Variants in BCHE observed in about 807,000 individuals in gnomAD.
The protein encoded by BCHE is butyrylcholinesterase.
BCHE carries 48 observed loss-of-function variants against 51.3 expected under a neutral mutation model. That is an observed-to-expected ratio of 0.94 (90% confidence interval 0.74 to 1.19). The LOEUF is 1.19. Ranked by LOEUF, BCHE falls within the 50% of genes most tolerant of loss-of-function variation. The probability of loss-of-function intolerance (pLI) is 0.00; values close to 1 mark genes in which losing one functional copy is unlikely to be tolerated. For synonymous variants in BCHE, 251 were observed against 238.0 expected (o/e 1.05, Z -0.50); for missense variants, 847 against 708.2 (o/e 1.20, Z -2.23).
intron 1 of BCHE, among the ~76,000 whole-genome samples, chr3:165,833,083 T>C: frequency 6.6e-6 from 1 of 152,224 alleles, no homozygotes; most frequent in South Asian, 2.1e-4. Flanking sequence ...ATGACTGCTA[T>C]AATAATAAGG....
intron 2 of BCHE, among the ~76,000 whole-genome samples, chr3:165,796,822 AT>A: frequency 6.6e-6 from 1 of 152,262 alleles, no homozygotes; most frequent in African/African-American, 2.4e-5. Context: ...ATTTCTTTGT[AT>A]TGCACATCTT....
At chr3:165,798,894 T>TA (rs532174201) in intron 2 of BCHE, among the ~76,000 whole-genome samples, 93 of 150,644 alleles carry the variant, frequency 6.2e-4, no homozygotes, top group Middle Eastern at 3.4e-3. Context: ...AAACAAATAA[T>TA]AAAAAAAAAC....
chr3:165,797,469 C>T (rs1713462348), intron 2 of BCHE, among the ~76,000 whole-genome samples: 1 of 150,378 alleles, frequency 6.6e-6, no homozygotes, highest in Non-Finnish European at 1.5e-5. Context: ...ATGTTTGTAC[C>T]CATTTTCATC....
intron 2 of BCHE, among the ~76,000 whole-genome samples, chr3:165,792,515 A>G (rs2108207234): frequency 6.6e-6 from 1 of 152,318 alleles, no homozygotes; most frequent in South Asian, 2.1e-4. Context: ...TTACTTAGTA[A>G]TGATTAGTAA....
At chr3:165,833,840 T>G (rs2108238309) in intron 1 of BCHE, among the ~76,000 whole-genome samples, 1 of 152,210 alleles carries the variant, frequency 6.6e-6, no homozygotes, top group Admixed American at 6.5e-5. Context: ...GTGAATAAGG[T>G]GCAAAGCTGA....
intron 2 of BCHE, among the ~76,000 whole-genome samples, chr3:165,793,293 A>G (rs1185985705): frequency 1.3e-5 from 2 of 152,194 alleles, no homozygotes. Context: ...TACAATGCCT[A>G]TATTTCCCCA....
At chr3:165,789,663 T>C (rs1167347382) in intron 2 of BCHE, among the ~76,000 whole-genome samples, 1 of 152,158 alleles carries the variant, frequency 6.6e-6, no homozygotes, top group East Asian at 1.9e-4. Flanking sequence ...AAAGTCTAGA[T>C]GAAATCTTTC....
At chr3:165,835,577 A>G (rs906234512) in intron 1 of BCHE, among the ~76,000 whole-genome samples, 72 of 151,988 alleles carry the variant, frequency 4.7e-4, no homozygotes, top group East Asian at 2.3e-3. Context: ...AATTGGAACA[A>G]CGACGTCTTT....
Position 165,830,248 on chromosome 3 carries a change from T to C in BCHE, c.786A>G (p.Thr262=), listed in dbSNP as rs768933717. 1.2e-5 allele frequency: 19 copies of C among 1,613,880 alleles called. No homozygotes were observed. The African/African-American group carries it at 1.5e-4, about 12-fold the overall frequency. ...SGSFNAPWAV[T]SLYEARNRTL... is the part of the protein sequence containing the mutation. ...TTCTGTTCCTAGCTTCATAAAGAGA[T>C]GTTACCGCCCAAGGAGCATTAAAGG... is the stretch of plus-strand genomic sequence containing the variant. The change falls in exon 2 of 4, where the codon ACA becomes ACG. Residue 262 remains threonine (T), a synonymous_variant. Coordinates refer to ENST00000264381, the MANE Select transcript of BCHE (RefSeq NM_000055.4).
chr3:165,782,532 A>G (rs1457988301), intron 3 of BCHE, among the ~76,000 whole-genome samples: 2 of 152,086 alleles, frequency 1.3e-5, no homozygotes, highest in African/African-American at 2.4e-5. Flanking sequence ...AATAATAATG[A>G]TAAGTTTTTT....
At chr3:165,806,089 C>T (rs78169296) in intron 2 of BCHE, among the ~76,000 whole-genome samples, 2,287 of 152,064 alleles carry the variant, frequency 0.015, 55 homozygotes, top group African/African-American at 0.052. Context: ...CTTCTGCACA[C>T]AAAATGATTT....
chr3:165,827,834 C>G (rs975084332), intron 2 of BCHE, among the ~76,000 whole-genome samples: 2 of 152,012 alleles, frequency 1.3e-5, no homozygotes, highest in African/African-American at 2.4e-5. Flanking sequence ...GAAATTTATG[C>G]TGATGTTGAG....
At chr3:165,785,791 G>T (rs1238650758) in intron 3 of BCHE, among the ~76,000 whole-genome samples, 1 of 151,348 alleles carries the variant, frequency 6.6e-6, no homozygotes, top group African/African-American at 2.4e-5. Context: ...CATACATTAT[G>T]ATTATTTGAT....
intron 2 of BCHE, among the ~76,000 whole-genome samples, chr3:165,826,521 G>T (rs1055707430): frequency 6.6e-5 from 10 of 151,960 alleles, no homozygotes; most frequent in Admixed American, 3.3e-4. Context: ...GGTGGGGGGG[G>T]ACTTTATTCT....
rs200035175 is a variant in BCHE, at chr3:165,830,720, T to C, written c.314A>G (p.His105Arg). ...QNIDQSFPGF[H>R]GSEMWNPNTD... ...GTTTGGGTTCCACATCTCTGATCCA[T>C]GGAAGCCTGGAAAACTTTGATCTAT... The change falls in exon 2 of 4, where the codon CAT becomes CGT. Residue 105 changes from histidine to arginine, a missense_variant. Physicochemically the swap from His to Arg is conservative, Grantham distance 29. Coordinates refer to ENST00000264381, the MANE Select transcript of BCHE (RefSeq NM_000055.4). The C allele has an allele frequency of 1.3e-4, 208 of 1,613,898 alleles. No individual in the cohort carries two copies. Among genetic ancestry groups the C allele is most frequent in the Non-Finnish European group, 2.3e-5 (27 of 1,179,964 alleles).
rs1714871592 is a variant in BCHE at position 165,829,686 on chromosome 3, C to CA, written c.1347dup (p.Glu450Ter). 6 of 1,613,664 alleles carry CA rather than the reference C, an allele frequency of 3.7e-6. No homozygotes were observed. Among genetic ancestry groups the CA allele is most frequent in the African/African-American group, 2.7e-5 (2 of 74,848 alleles). On this transcript the variant is annotated frameshift_variant, in exon 2 of 4. Coordinates refer to ENST00000264381, the MANE Select transcript of BCHE (RefSeq NM_000055.4). LOFTEE classifies it high-confidence loss of function. ...CACGGAAGTTTGGAGGATCGGTGTT[C>CA]AAAATAGTAGAAAAAGGCATTATTT...
intron 2 of BCHE, among the ~76,000 whole-genome samples, chr3:165,788,405 A>T (rs1179611370): frequency 1.3e-5 from 2 of 152,106 alleles, no homozygotes; most frequent in Non-Finnish European, 2.9e-5. Context: ...CTAAACCAAT[A>T]TCATAGCAAG....
chr3:165,806,750 T>A lies in BCHE; in HGVS notation c.1518-20439A>T, dbSNP rs1257392320. ...CATCTTTATAATAATAATTATATAGTTTTTTAAATCTGCCTAAATAATAGC... is the reference window on the plus strand; with the variant it reads ...CATCTTTATAATAATAATTATATAGATTTTTAAATCTGCCTAAATAATAGC... On this transcript the variant is annotated intron_variant, in intron 2 of 3. Transcript: ENST00000264381. Among the ~76,000 whole-genome samples the A allele has an allele frequency of 3.3e-5, 5 of 152,186 alleles. No homozygotes were observed. The East Asian group carries it at 9.7e-4, about 29-fold the overall frequency.
chr3:165,822,717 A>C (rs528229544), intron 2 of BCHE, among the ~76,000 whole-genome samples: 1 of 152,080 alleles, frequency 6.6e-6, no homozygotes, highest in Non-Finnish European at 1.5e-5. Context: ...GATCATCTGC[A>C]AGAGTAGAAA....
Sources: allele counts gnomAD v4.1 joint callset (sites outside exome capture counted in the v4.1 genomes callset), GRCh38; gene constraint gnomAD v4.1.1; transcripts MANE v1.5; gene names NCBI Gene and HGNC (gene_info 2026-07-23, HGNC 2026-07-21).